The following CNGB3 variants were observed in gnomAD, a reference collection of about 807,000 sequenced individuals.
CNGB3 encodes the protein cyclic nucleotide gated channel subunit beta 3, also known as cyclic nucleotide-gated channel beta-3.
A neutral mutation model predicts 92.8 loss-of-function variants in CNGB3; 86 were observed. The observed-to-expected ratio is 0.93, with a 90% CI of 0.78 to 1.11. The LOEUF is 1.11. CNGB3 is among the 50% of genes least tolerant of loss of function. CNGB3 has a pLI of 0.00. For missense variants in CNGB3, 1,026 were observed against 956.8 expected, an observed-to-expected ratio of 1.07 and a Z score of -0.95; for synonymous variants, 333 against 332.7, an observed-to-expected ratio of 1.00 and a Z score of -0.01.
At chr8:86,606,146 G>GTTTTTTTT (rs34987710) in intron 14 of CNGB3, among the ~76,000 whole-genome samples, 1 of 91,988 alleles carries the variant, frequency 1.1e-5, no homozygotes, top group African/African-American at 3.7e-5. Flanking sequence ...TTTGGGGTTG[G>GTTTTTTTT]TTTTTTTTTT....
At chr8:86,643,907 T>C (rs1302692273) in intron 9 of CNGB3, 34 bp from the exon 10 acceptor site, 2 of 1,594,662 alleles carry the variant, frequency 1.3e-6, no homozygotes, top group Admixed American at 1.7e-5. Flanking sequence ...GTAAGATTCA[T>C]GTTGTTTCTG....
chr8:86,725,739 C>T (rs550467328), intron 3 of CNGB3, among the ~76,000 whole-genome samples: 177 of 152,180 alleles, frequency 1.2e-3, no homozygotes, highest in African/African-American at 4.1e-3. Context: ...AGAGAGAAGG[C>T]GGGGTAGGGT....
At chr8:86,713,891 C>T (rs1332656020) in intron 3 of CNGB3, among the ~76,000 whole-genome samples, 1 of 152,110 alleles carries the variant, frequency 6.6e-6, no homozygotes, top group Non-Finnish European at 1.5e-5. Flanking sequence ...AGGATCACAG[C>T]AAAATTAAGT....
At chr8:86,652,252 C>A (rs1185699305) in intron 7 of CNGB3, among the ~76,000 whole-genome samples, 2 of 151,874 alleles carry the variant, frequency 1.3e-5, no homozygotes, top group Non-Finnish European at 2.9e-5. Flanking sequence ...GGATACTTAC[C>A]ATGAATGGAG....
chr8:86,713,150 G>C (rs1282368072), intron 3 of CNGB3, among the ~76,000 whole-genome samples: 1 of 152,012 alleles, frequency 6.6e-6, no homozygotes, highest in Non-Finnish European at 1.5e-5. Context: ...TTTAACTATA[G>C]GAGATGTTTT....
chr8:86,622,375 CTTTTTTT>C (rs11318413), intron 13 of CNGB3, among the ~76,000 whole-genome samples: 2 of 131,692 alleles, frequency 1.5e-5, no homozygotes, highest in Admixed American at 7.5e-5. Context: ...GGCCATTCTT[CTTTTTTT>C]TTTTTTTTTT....
intron 6 of CNGB3, chr8:86,658,003 T>C (rs552311061): frequency 2.9e-5 from 16 of 544,778 alleles, no homozygotes; most frequent in East Asian, 2.6e-4. Context: ...TTCCAGTTTT[T>C]CCATCTGCTC....
chr8:86,606,647 G>T (rs1822416949), intron 14 of CNGB3, among the ~76,000 whole-genome samples: 1 of 152,058 alleles, frequency 6.6e-6, no homozygotes, highest in South Asian at 2.1e-4. Flanking sequence ...TGTTCTAGCA[G>T]AACATGCTAC....
rs769446058 is a variant in CNGB3, at chr8:86,668,085, T to G, written c.577A>C (p.Lys193Gln). 2.3e-5 allele frequency: 37 copies of G among 1,614,012 alleles called. No homozygotes were observed. The highest frequency in any genetic ancestry group is 2.8e-5 in the Non-Finnish European group (33 of 1,180,006). Residue 193 changes from lysine to glutamine, a missense_variant, in exon 5 of 18, where the codon AAA becomes CAA. Lys to Gln is a moderately conservative substitution (Grantham distance 53, BLOSUM62 1). Coordinates refer to ENST00000320005, the MANE Select transcript of CNGB3 (RefSeq NM_019098.5). ...HYYRLLWFKVKKMPLTEYLKR... is the reference protein window; with the variant it reads ...HYYRLLWFKVQKMPLTEYLKR... ...AAGTACTCTGTTAAAGGCATCTTTT[T>G]GACTTTGAACCACAACAGCCTGTAG... is the stretch of plus-strand genomic sequence containing the variant.
At chr8:86,633,088 C>T (rs942662256) in intron 10 of CNGB3, among the ~76,000 whole-genome samples, 195 bp from the exon 11 acceptor site, 4 of 152,096 alleles carry the variant, frequency 2.6e-5, no homozygotes, top group Admixed American at 2.0e-4. Flanking sequence ...ATGAAACAAG[C>T]CCAAGGAGGG....
chr8:86,576,389 A>G (rs1044072364), intron 17 of CNGB3, among the ~76,000 whole-genome samples: 3 of 152,160 alleles, frequency 2.0e-5, no homozygotes, highest in African/African-American at 7.2e-5. Context: ...TTCTCTTCCT[A>G]TTGGTCCTTA....
At chr8:86,586,500 C>T (rs979824826) in intron 15 of CNGB3, among the ~76,000 whole-genome samples, 2 of 131,008 alleles carry the variant, frequency 1.5e-5, no homozygotes, top group Middle Eastern at 3.7e-3. Flanking sequence ...CCCCACCACA[C>T]AACAGTCCCC....
intron 14 of CNGB3, among the ~76,000 whole-genome samples, chr8:86,606,911 C>A (rs559430851): frequency 1.4e-4 from 21 of 152,296 alleles, no homozygotes; most frequent in African/African-American, 4.8e-4. Context: ...CAGAACTGAT[C>A]TCTTAAAAAC....
At chr8:86,695,573 T>C (rs1192001327) in intron 3 of CNGB3, among the ~76,000 whole-genome samples, 1 of 152,172 alleles carries the variant, frequency 6.6e-6, no homozygotes, top group Admixed American at 6.5e-5. Context: ...TCCTCCTTTT[T>C]GTTTTTAATT....
chr8:86,742,425 A>T (rs1825359183), intron 1 of CNGB3, among the ~76,000 whole-genome samples: 1 of 152,192 alleles, frequency 6.6e-6, no homozygotes, highest in Non-Finnish European at 1.5e-5. Context: ...TCTACTGCAA[A>T]GCAGTCAACA....
chr8:86,694,113 G>A (rs1213575670), intron 3 of CNGB3, among the ~76,000 whole-genome samples: 1 of 107,028 alleles, frequency 9.3e-6, no homozygotes, highest in Admixed American at 9.5e-5. Context: ...GGGGCGGCTG[G>A]CCGGGCGGGG....
At chr8:86,580,284 T>G (rs958199533) in intron 15 of CNGB3, among the ~76,000 whole-genome samples, 1 of 152,062 alleles carries the variant, frequency 6.6e-6, no homozygotes. Flanking sequence ...GAGAAAAGAT[T>G]TGGGTGGGGA....
In CNGB3 at chr8:86,575,759, T is replaced by A; in HGVS notation, c.*45A>T. On this transcript the variant is annotated 3_prime_UTR_variant, in exon 18 of 18. Transcript: ENST00000320005. ...ATTTAAGTTACAATCCTAGGTACAA[T>A]CACTTTGGGAACTAGCTATATCACA... The A allele has an allele frequency of 1.3e-6, 2 of 1,546,314 alleles. No individual in the cohort carries two copies. The highest frequency in any genetic ancestry group is 1.8e-6 in the Non-Finnish European group (2 of 1,120,056).
At chr8:86,577,593 A>G (rs1216922137) in intron 17 of CNGB3, among the ~76,000 whole-genome samples, 1 of 152,198 alleles carries the variant, frequency 6.6e-6, no homozygotes, top group Non-Finnish European at 1.5e-5. Context: ...CAATTGGTCA[A>G]TGTATAACTT....
Sources: gnomAD v4.1 joint callset for allele counts (sites outside exome capture counted in the v4.1 genomes callset) on GRCh38, gnomAD v4.1.1 for gene constraint, MANE v1.5 for transcripts, NCBI Gene and HGNC (gene_info 2026-07-23, HGNC 2026-07-21) for gene names.